The following CENPP variants were observed in gnomAD, a reference collection of about 807,000 sequenced individuals.
CENPP encodes the protein centromere protein P.
CENPP carries 24 observed loss-of-function variants against 35.6 expected under a neutral mutation model. The ratio of observed to expected loss-of-function variants is 0.67; its 90% CI spans 0.49 to 0.95. CENPP has a LOEUF of 0.95. CENPP is among the 40% of genes least tolerant of loss of function. The probability of loss-of-function intolerance (pLI) is 0.00; values close to 1 mark genes in which losing one functional copy is unlikely to be tolerated. For synonymous variants in CENPP, 120 were observed against 125.5 expected (o/e 0.96, Z 0.29); for missense variants, 332 against 345.3 (o/e 0.96, Z 0.31).
intron 5 of CENPP, chr9:92,610,803 T>A (rs1160608059): frequency 6.0e-6 from 1 of 167,794 alleles, no homozygotes; most frequent in Non-Finnish European, 1.3e-5. Context: ...ACCACTGGGG[T>A]GAGTCCTGAG....
chr9:92,495,566 G>A, intron 5 of CENPP: 1 of 979,822 alleles, frequency 1.0e-6, no homozygotes, highest in Non-Finnish European at 1.2e-6. Context: ...TCTTAATCTT[G>A]AGTGAGGAAT....
intron 5 of CENPP, among the ~76,000 whole-genome samples, chr9:92,408,178 C>T (rs921261731): frequency 6.6e-6 from 1 of 151,982 alleles, no homozygotes; most frequent in Non-Finnish European, 1.5e-5. Context: ...CACCTGAGTT[C>T]TAGTTTTTGT....
chr9:92,491,747 C>T (rs1159935729), intron 5 of CENPP, among the ~76,000 whole-genome samples: 1 of 152,120 alleles, frequency 6.6e-6, no homozygotes, highest in African/African-American at 2.4e-5. Flanking sequence ...CTTTTGATGT[C>T]TCTCGTATCT....
At chr9:92,365,444 G>A (rs1588062677) in intron 4 of CENPP, among the ~76,000 whole-genome samples, 1 of 124,636 alleles carries the variant, frequency 8.0e-6, no homozygotes, top group South Asian at 2.5e-4. Flanking sequence ...AGAGTCTCGT[G>A]CTCTCACTCA....
intron 5 of CENPP, among the ~76,000 whole-genome samples, chr9:92,582,881 C>A (rs1850461928): frequency 6.6e-6 from 1 of 152,170 alleles, no homozygotes; most frequent in South Asian, 2.1e-4. Context: ...TTGTGGCCCA[C>A]CGAGTCTTCA....
At chr9:92,337,688 C>T (rs1414383527) in intron 3 of CENPP, 59 bp downstream of exon 3, 7 of 1,062,292 alleles carry the variant, frequency 6.6e-6, no homozygotes, top group Non-Finnish European at 1.0e-5. Flanking sequence ...TAAACAATTC[C>T]CACACCCCAG....
chr9:92,546,632 A>T (rs1162686369), intron 5 of CENPP, among the ~76,000 whole-genome samples: 2 of 152,174 alleles, frequency 1.3e-5, no homozygotes, highest in African/African-American at 4.8e-5. Flanking sequence ...CAGAAGGAAC[A>T]AACTCTGGAC....
At chr9:92,463,089 A>C (rs1294912649) in intron 5 of CENPP, among the ~76,000 whole-genome samples, 1 of 152,198 alleles carries the variant, frequency 6.6e-6, no homozygotes, top group Non-Finnish European at 1.5e-5. Context: ...ACTGCTGACA[A>C]ATGTTAGCAC....
At chr9:92,545,463 G>C (rs898987166) in intron 5 of CENPP, among the ~76,000 whole-genome samples, 17 of 152,322 alleles carry the variant, frequency 1.1e-4, no homozygotes, top group African/African-American at 3.8e-4. Context: ...TTGATTTCTC[G>C]TCGGGCCTTA....
At chr9:92,440,490 C>T (rs2131001900) in intron 5 of CENPP, among the ~76,000 whole-genome samples, 1 of 152,254 alleles carries the variant, frequency 6.6e-6, no homozygotes, top group Admixed American at 6.5e-5. Flanking sequence ...GTTGGACAAG[C>T]TTGATCTATA....
intron 5 of CENPP, among the ~76,000 whole-genome samples, chr9:92,461,488 C>A (rs1273471213): frequency 2.0e-5 from 3 of 152,146 alleles, no homozygotes; most frequent in African/African-American, 7.2e-5. Flanking sequence ...TCTCCCTCTT[C>A]TTTTGATTTA....
At position 92,615,999 on chromosome 9, in the gene CENPP, C is replaced by T; in HGVS notation, c.*2850C>T. The T allele has an allele frequency of 1.2e-6, 2 of 1,614,206 alleles. No homozygotes were observed. Among genetic ancestry groups the T allele is most frequent in the Non-Finnish European group, 1.7e-6 (2 of 1,180,036 alleles). On this transcript the variant is annotated 3_prime_UTR_variant, in exon 8 of 8. Transcript: ENST00000375587. Reference sequence around the variant, plus strand: ...TAGGGCTTGAGGTCAAGGTCCAGCACAGACACGGAAAAGGCAAACCTGGAC... The same window carrying T: ...TAGGGCTTGAGGTCAAGGTCCAGCATAGACACGGAAAAGGCAAACCTGGAC...
rs969741611 is a variant in CENPP, at chr9:92,618,367, C to T, written c.*5218C>T. ...AAGGACCCGGGCCTTCAGCTTTCCC[C>T]GCATGCTGGCTTTCCAATTTGACAT... On this transcript the variant is annotated 3_prime_UTR_variant, in exon 8 of 8. Transcript: ENST00000375587. 4 of 456,596 alleles carry T rather than the reference C, an allele frequency of 8.8e-6. No individual in the cohort carries two copies. The highest frequency in any genetic ancestry group is 2.3e-5 in the Admixed American group (1 of 42,560). 28.3% of individuals were successfully genotyped at this position (456,596 alleles called of 1,614,324 possible).
intron 5 of CENPP, among the ~76,000 whole-genome samples, chr9:92,599,348 G>C (rs1234273038): frequency 1.3e-5 from 2 of 152,302 alleles, no homozygotes; most frequent in Admixed American, 1.3e-4. Context: ...CCAGCCCCTG[G>C]CTAGACTATC....
At chr9:92,418,425 C>T (rs1305238869) in intron 5 of CENPP, among the ~76,000 whole-genome samples, 1 of 151,556 alleles carries the variant, frequency 6.6e-6, no homozygotes. Context: ...TTACACTGAA[C>T]TTGAGTCAAA....
In CENPP at chr9:92,398,244, T is replaced by C. The variant is rs574651877; in HGVS notation, c.564+18385T>C. Among the ~76,000 whole-genome samples, 8 of 152,366 alleles carry C rather than the reference T, an allele frequency of 5.3e-5. No homozygotes were observed. In the East Asian group the frequency reaches 1.5e-3, roughly 29 times the overall value. On this transcript the variant is annotated intron_variant, in intron 5 of 7. Transcript: ENST00000375587. ...TTTTCTTCCTTTGCTGAGTTATTAA[T>C]TTGAAGCACAATCAAGTTTATGTTT...
At chr9:92,517,520 C>T (rs1847801960) in intron 5 of CENPP, 1 of 869,120 alleles carries the variant, frequency 1.2e-6, no homozygotes, top group South Asian at 1.6e-5. Context: ...ATATCCCCTA[C>T]CATACATTTT....
intron 5 of CENPP, among the ~76,000 whole-genome samples, chr9:92,484,532 G>T (rs1846010168): frequency 6.6e-6 from 1 of 152,156 alleles, no homozygotes; most frequent in South Asian, 2.1e-4. Flanking sequence ...TTTTGGAGAG[G>T]TACTATGAAC....
At chr9:92,528,172 G>C (rs1400971569) in intron 5 of CENPP, 2 of 152,272 alleles carry the variant, frequency 1.3e-5, no homozygotes, top group Non-Finnish European at 2.9e-5. Context: ...CTTAAAAATA[G>C]AGCAACATAT....
Sources: gnomAD v4.1 joint callset for allele counts (sites outside exome capture counted in the v4.1 genomes callset) on GRCh38, gnomAD v4.1.1 for gene constraint, MANE v1.5 for transcripts, NCBI Gene and HGNC (gene_info 2026-07-23, HGNC 2026-07-21) for gene names.